The following HEMK2 variants were observed in gnomAD, a reference collection of about 807,000 sequenced individuals.
HEMK2 encodes HemK methyltransferase 2, ETF1 glutamine and histone H4 lysine.
the HEMK2 span, among the ~76,000 whole-genome samples, chr21:28,665,402 T>TTTTTTTTTTTTTTTTTTTGG: frequency 1.2e-5 from 1 of 84,070 alleles, no homozygotes; most frequent in African/African-American, 6.4e-5. Flanking sequence ...TTTTTTTTTT[T>TTTTTTTTTTTTTTTTTTTGG]ATTATAGTCT....
At chr21:28,816,501 C>A in the HEMK2 span, among the ~76,000 whole-genome samples, 2 of 152,088 alleles carry the variant, frequency 1.3e-5, no homozygotes, top group Non-Finnish European at 2.9e-5. Flanking sequence ...AAGACACTGT[C>A]TCTACAAAAA....
At chr21:28,685,866 T>G in the HEMK2 span, among the ~76,000 whole-genome samples, 2 of 152,146 alleles carry the variant, frequency 1.3e-5, no homozygotes, top group Admixed American at 6.5e-5. Context: ...CACACAACTT[T>G]GCTAACTGGA....
chr21:28,646,229 C>T, the HEMK2 span, among the ~76,000 whole-genome samples: 1 of 152,150 alleles, frequency 6.6e-6, no homozygotes, highest in Non-Finnish European at 1.5e-5. Flanking sequence ...GTGCTCCTTC[C>T]TCCTGCATCA....
the HEMK2 span, among the ~76,000 whole-genome samples, chr21:28,863,411 TATATATATATATA>T: frequency 1.1e-4 from 2 of 18,650 alleles, no homozygotes; most frequent in African/African-American, 1.6e-4. Context: ...AACTCCCTTT[TATATATATATATA>T]TATATATATA....
the HEMK2 span, among the ~76,000 whole-genome samples, chr21:28,714,791 C>T: frequency 6.6e-6 from 1 of 151,744 alleles, no homozygotes; most frequent in South Asian, 2.1e-4. Flanking sequence ...TAAACCCTTG[C>T]TCTCTCTCCC....
chr21:28,763,977 C>G, the HEMK2 span, among the ~76,000 whole-genome samples: 1 of 152,094 alleles, frequency 6.6e-6, no homozygotes, highest in African/African-American at 2.4e-5. Flanking sequence ...GGAGCAGGCA[C>G]AACAACTCTG....
chr21:28,646,868 A>G, the HEMK2 span, among the ~76,000 whole-genome samples: 1 of 152,134 alleles, frequency 6.6e-6, no homozygotes, highest in Non-Finnish European at 1.5e-5. Context: ...CCTCTTGTGA[A>G]CTAGTCTCAT....
the HEMK2 span, among the ~76,000 whole-genome samples, chr21:28,638,267 G>A: frequency 7.9e-5 from 12 of 152,062 alleles, no homozygotes; most frequent in Admixed American, 7.2e-4. Flanking sequence ...CAGGCTTTCT[G>A]GAGGAGGTGG....
chr21:28,745,189 C>T, the HEMK2 span, among the ~76,000 whole-genome samples: 218 of 152,294 alleles, frequency 1.4e-3, 1 homozygote, highest in African/African-American at 4.9e-3. Context: ...TCTCTAAGAG[C>T]TTACAAGATG....
the HEMK2 span, among the ~76,000 whole-genome samples, chr21:28,628,743 C>A: frequency 6.6e-6 from 1 of 152,186 alleles, no homozygotes; most frequent in African/African-American, 2.4e-5. Flanking sequence ...CGTGAGCCAC[C>A]GCGCCCAGCC....
At chr21:28,634,800 A>G in the HEMK2 span, among the ~76,000 whole-genome samples, 2 of 152,280 alleles carry the variant, frequency 1.3e-5, no homozygotes, top group South Asian at 2.1e-4. Context: ...TAATTAATAT[A>G]CTGCATATAA....
chr21:28,724,638 A>C, the HEMK2 span, among the ~76,000 whole-genome samples: 1 of 152,368 alleles, frequency 6.6e-6, no homozygotes, highest in East Asian at 1.9e-4. Context: ...AGCAAATTTC[A>C]TAAGAAGAAA....
chr21:28,701,106 T>G, the HEMK2 span, among the ~76,000 whole-genome samples: 1 of 152,256 alleles, frequency 6.6e-6, no homozygotes, highest in African/African-American at 2.4e-5. Flanking sequence ...CATGCCTTCA[T>G]GATGAAAACC....
chr21:28,716,060 G>C, the HEMK2 span, among the ~76,000 whole-genome samples: 1 of 152,184 alleles, frequency 6.6e-6, no homozygotes, highest in Non-Finnish European at 1.5e-5. Context: ...AGTTTAGTTT[G>C]AAATTGAGTA....
the HEMK2 span, among the ~76,000 whole-genome samples, chr21:28,754,615 T>A: frequency 6.6e-6 from 1 of 152,342 alleles, no homozygotes; most frequent in South Asian, 2.1e-4. Flanking sequence ...AAGTAACCCT[T>A]CAGCTTAAAT....
the HEMK2 span, among the ~76,000 whole-genome samples, chr21:28,822,617 G>A: frequency 6.6e-6 from 1 of 151,628 alleles, no homozygotes; most frequent in South Asian, 2.1e-4. Context: ...CTGAGCCCTC[G>A]TAATTGTTAG....
the HEMK2 span, among the ~76,000 whole-genome samples, chr21:28,631,183 G>A: frequency 6.6e-6 from 1 of 152,096 alleles, no homozygotes; most frequent in Non-Finnish European, 1.5e-5. Flanking sequence ...GTTTCAGAGG[G>A]ACCAGCTGGT....
chr21:28,585,088 T>TGGGGAGGCTAAGGCAG, the HEMK2 span, among the ~76,000 whole-genome samples: 3 of 152,090 alleles, frequency 2.0e-5, no homozygotes, highest in Non-Finnish European at 2.9e-5. Context: ...TGCCAGCACT[T>TGGGGAGGCTAAGGCAG]GGGGAGGCTA....
At chr21:28,687,648 T>C in the HEMK2 span, among the ~76,000 whole-genome samples, 3 of 152,194 alleles carry the variant, frequency 2.0e-5, no homozygotes, top group African/African-American at 7.2e-5. Flanking sequence ...TATATAAAGA[T>C]ACTATAAACA....
Sources: gnomAD v4.1 joint callset for allele counts (sites outside exome capture counted in the v4.1 genomes callset) on GRCh38, gnomAD v4.1.1 for gene constraint, MANE v1.5 for transcripts, NCBI Gene and HGNC (gene_info 2026-07-23, HGNC 2026-07-21) for gene names.